Variants in STK10 observed in about 807,000 individuals in gnomAD.
STK10 encodes the protein serine/threonine-protein kinase 10.
STK10 carries 78 observed loss-of-function variants against 113.8 expected under a neutral mutation model. That is an observed-to-expected ratio of 0.69 (90% CI 0.57 to 0.83). The LOEUF (loss-of-function observed/expected upper bound fraction) is 0.83. Among genes scored for constraint, STK10 ranks in the 40% least tolerant of loss-of-function variants. The pLI is 0.00. For missense variants in STK10, 1,109 were observed against 1,280.1 expected (o/e 0.87, Z 2.04); for synonymous variants, 465 against 494.7 (o/e 0.94, Z 0.80).
At chr5:172,132,013 C>T (rs1769766674) in intron 2 of STK10, among the ~76,000 whole-genome samples, 1 of 152,186 alleles carries the variant, frequency 6.6e-6, no homozygotes. Context: ...GCAAGAAGGC[C>T]CTCGCCAGAT....
At chr5:172,090,496 T>C in intron 9 of STK10, 134 bp from the exon 10 acceptor site, 1 of 1,280,350 alleles carries the variant, frequency 7.8e-7, no homozygotes, top group Non-Finnish European at 1.1e-6. Context: ...CCATCCATCG[T>C]CCCTCTTGCC....
At chr5:172,138,919 C>G (rs979138616) in intron 2 of STK10, among the ~76,000 whole-genome samples, 4 of 152,140 alleles carry the variant, frequency 2.6e-5, no homozygotes, top group African/African-American at 9.7e-5. Context: ...GAGGCTGAGG[C>G]AGGAGAATGG....
At chr5:172,091,201 C>T (rs967365368) in intron 9 of STK10, among the ~76,000 whole-genome samples, 1 of 152,148 alleles carries the variant, frequency 6.6e-6, no homozygotes, top group Non-Finnish European at 1.5e-5. Flanking sequence ...TACTGCAGAC[C>T]ACACACAATC....
intron 12 of STK10, among the ~76,000 whole-genome samples, chr5:172,068,939 T>C (rs572426156): frequency 8.6e-5 from 13 of 150,878 alleles, no homozygotes; most frequent in Non-Finnish European, 1.9e-4. Context: ...TGAGAAAGTA[T>C]CAAGAAATTT....
chr5:172,172,750 C>T (rs978973303), intron 1 of STK10, among the ~76,000 whole-genome samples: 6 of 152,052 alleles, frequency 3.9e-5, no homozygotes, highest in South Asian at 4.2e-4. Context: ...GAGGCTGAGG[C>T]GGGTGGATCA....
intron 2 of STK10, among the ~76,000 whole-genome samples, chr5:172,136,811 G>A (rs1336207487): frequency 6.7e-6 from 1 of 149,152 alleles, no homozygotes; most frequent in Non-Finnish European, 1.5e-5. Context: ...TCTTTCATGA[G>A]AGCCTTTATT....
At chr5:172,174,471 C>T (rs1046905278) in intron 1 of STK10, among the ~76,000 whole-genome samples, 4 of 152,152 alleles carry the variant, frequency 2.6e-5, no homozygotes, top group Non-Finnish European at 5.9e-5. Context: ...CCACTGCACG[C>T]CTGCAGCTCA....
chr5:172,114,473 ATTTTTTTTTT>A (rs546584414), intron 4 of STK10: 4 of 47,544 alleles, frequency 8.4e-5, no homozygotes, highest in East Asian at 5.8e-4. Flanking sequence ...ATATATATAT[ATTTTTTTTTT>A]TTTTTTTTTT....
Position 172,054,830 on chromosome 5 carries a change from C to A in STK10, c.2527-136G>T. The A allele has an allele frequency of 3.9e-6, 5 of 1,277,680 alleles. No homozygotes were observed. The South Asian group carries it at 7.1e-5, about 18-fold the overall frequency. The allele number at this position is 1,277,680 out of a possible 1,614,324, so 79.1% of individuals were successfully genotyped here. ...ACAGCCCCAGTACCCAGCACCACCT[C>A]AGGCTGTGCCCGTGTTAAGTCCTCA... On this transcript the variant is annotated intron_variant, in intron 16 of 18. Coordinates refer to ENST00000176763, the MANE Select transcript of STK10 (RefSeq NM_005990.4).
intron 1 of STK10, among the ~76,000 whole-genome samples, chr5:172,185,036 G>A (rs142284312): frequency 6.0e-4 from 92 of 152,232 alleles, no homozygotes; most frequent in African/African-American, 1.9e-3. Flanking sequence ...ATTGTGGATC[G>A]GATGAGTTCC....
At chr5:172,167,479 T>C (rs1770592557) in intron 1 of STK10, among the ~76,000 whole-genome samples, 1 of 152,210 alleles carries the variant, frequency 6.6e-6, no homozygotes, top group African/African-American at 2.4e-5. Context: ...AAGCGATTTA[T>C]AAAGATGATT....
At position 172,064,734 on chromosome 5, in the gene STK10, T is replaced by C. The variant is rs1672714140; in HGVS notation, c.2068A>G (p.Lys690Glu). ...MKQKMEEHTQKKQLLDRDFVA... is the reference protein window; with the variant it reads ...MKQKMEEHTQEKQLLDRDFVA... The stretch of plus-strand genomic sequence containing the variant: ...CAGGGACTCACAAGAAGCTGCTTTT[T>C]CTGCGTGTGCTCCTCCATCTTCTGC... Residue 690 changes from lysine to glutamate, a missense_variant, in exon 13 of 19, where the codon AAA becomes GAA. This residue lies in a region of STK10 where 885 missense variants were observed against 991.1 expected (regional missense o/e 0.89). Coordinates refer to ENST00000176763, the MANE Select transcript of STK10 (RefSeq NM_005990.4). 1 of 1,613,972 alleles carries C rather than the reference T, an allele frequency of 6.2e-7. No homozygotes were observed. The highest frequency in any genetic ancestry group is 1.7e-5 in the Admixed American group (1 of 59,984).
intron 2 of STK10, among the ~76,000 whole-genome samples, chr5:172,132,454 C>T (rs146061119): frequency 2.2e-4 from 34 of 151,958 alleles, no homozygotes; most frequent in African/African-American, 7.5e-4. Context: ...ATGGGGAATC[C>T]GTGCCCACCC....
At chr5:172,148,902 C>T (rs1310599852) in intron 2 of STK10, among the ~76,000 whole-genome samples, 2 of 152,194 alleles carry the variant, frequency 1.3e-5, no homozygotes, top group Non-Finnish European at 2.9e-5. Flanking sequence ...ATCTCAATCT[C>T]GAGCCAGGCG....
At chr5:172,166,270 T>G (rs1302442106) in intron 1 of STK10, among the ~76,000 whole-genome samples, 1 of 152,216 alleles carries the variant, frequency 6.6e-6, no homozygotes, top group African/African-American at 2.4e-5. Context: ...GGAGTGCTAC[T>G]GGCTCTGTGG....
At chr5:172,171,215 C>T (rs2113833488) in intron 1 of STK10, among the ~76,000 whole-genome samples, 1 of 152,286 alleles carries the variant, frequency 6.6e-6, no homozygotes, top group South Asian at 2.1e-4. Context: ...ATCCAAGGGA[C>T]TCGCCTTTGG....
intron 14 of STK10, among the ~76,000 whole-genome samples, chr5:172,060,522 G>C (rs1206019928): frequency 6.6e-6 from 1 of 152,208 alleles, no homozygotes; most frequent in Non-Finnish European, 1.5e-5. Context: ...GTGAGAAGGT[G>C]CCATCTATGA....
At chr5:172,169,897 T>C (rs1770634641) in intron 1 of STK10, among the ~76,000 whole-genome samples, 2 of 152,254 alleles carry the variant, frequency 1.3e-5, no homozygotes, top group Middle Eastern at 3.4e-3. Context: ...TAAGTGTGCT[T>C]GCGGAAGCCA....
At chr5:172,143,227 G>A (rs1170609137) in intron 2 of STK10, among the ~76,000 whole-genome samples, 1 of 152,208 alleles carries the variant, frequency 6.6e-6, no homozygotes, top group African/African-American at 2.4e-5. Context: ...TCAGCCAGGT[G>A]TGGTGGCACA....
Sources: allele counts gnomAD v4.1 joint callset (sites outside exome capture counted in the v4.1 genomes callset), GRCh38; gene constraint gnomAD v4.1.1; regional missense constraint gnomAD v4.1.1; transcripts MANE v1.5; gene names NCBI Gene and HGNC (gene_info 2026-07-23, HGNC 2026-07-21).